MOB3B: variants seen among roughly 807,000 people sequenced by gnomAD.
The protein encoded by MOB3B is MOB kinase activator-like 2B.
Under a neutral mutation model 18.7 loss-of-function variants are expected in MOB3B, and 7 were observed. The ratio of observed to expected loss-of-function variants is 0.37; its 90% CI spans 0.21 to 0.70. The LOEUF is 0.70. Ranked by LOEUF, MOB3B falls within the 30% of genes least tolerant of loss-of-function variation. The pLI, the probability that MOB3B is intolerant of heterozygous loss-of-function variation, is 0.52. For missense variants in MOB3B, 253 were observed against 281.3 expected (o/e 0.90, Z 0.72); for synonymous variants, 111 against 99.9 (o/e 1.11, Z -0.66).
chr9:27,475,240 T>C lies in MOB3B; in HGVS notation c.-198-19492A>G, dbSNP rs892197890. On this transcript the variant is annotated intron_variant, in intron 1 of 3. Transcript: ENST00000262244. ...GGATCTGAATCCTGCCAATGACCAC[T>C]GAGTAAGCTCCGAGGCGGCTCCTTC... is the stretch of plus-strand genomic sequence containing the variant. 3.3e-5 allele frequency among the ~76,000 whole-genome samples: 5 copies of C among 152,246 alleles called. No homozygotes were observed. In the East Asian group the frequency reaches 7.7e-4, roughly 23 times the overall value.
intron 2 of MOB3B, 113 bp from the exon 3 acceptor site, chr9:27,359,349 T>A: frequency 3.6e-6 from 2 of 558,504 alleles, no homozygotes; most frequent in South Asian, 1.7e-5. Context: ...CTGGCACCCG[T>A]CACAGGAGTC....
chr9:27,441,384 C>T (rs553772594), intron 2 of MOB3B, among the ~76,000 whole-genome samples: 2 of 152,214 alleles, frequency 1.3e-5, no homozygotes, highest in African/African-American at 4.8e-5. Flanking sequence ...TATGGCTTCT[C>T]TTTGGCATAT....
chr9:27,524,921 T>A (rs1820407665), intron 1 of MOB3B: 1 of 1,607,022 alleles, frequency 6.2e-7, no homozygotes, highest in Non-Finnish European at 8.5e-7. Context: ...GATGTTTGTA[T>A]TACTTTTACA....
chr9:27,505,956 A>T (rs1820052358), intron 1 of MOB3B, among the ~76,000 whole-genome samples: 1 of 152,244 alleles, frequency 6.6e-6, no homozygotes, highest in South Asian at 2.1e-4. Flanking sequence ...AATTACACGC[A>T]TGGGCTTTTA....
chr9:27,473,344 G>A lies in MOB3B; in HGVS notation c.-198-17596C>T, dbSNP rs553799780. On this transcript the variant is annotated intron_variant, in intron 1 of 3. Coordinates refer to ENST00000262244, the MANE Select transcript of MOB3B (RefSeq NM_024761.5). ...GGAGGCAAAGGGGGAGGGTGGGGTC[G>A]TGCTGGGACACAGAGGAGTCACTCC... is the stretch of plus-strand genomic sequence containing the variant. Among the ~76,000 whole-genome samples, 417 of 152,266 alleles carry A rather than the reference G, an allele frequency of 2.7e-3. 1 individual carries two copies. The highest frequency in any genetic ancestry group is 8.2e-3 in the African/African-American group (341 of 41,562).
At chr9:27,338,824 GC>G (rs1285568430) in intron 3 of MOB3B, among the ~76,000 whole-genome samples, 1 of 152,170 alleles carries the variant, frequency 6.6e-6, no homozygotes, top group African/African-American at 2.4e-5. Flanking sequence ...AATAACACTG[GC>G]CTTTTCCCAA....
At chr9:27,450,949 C>T (rs1473648646) in intron 2 of MOB3B, among the ~76,000 whole-genome samples, 2 of 152,148 alleles carry the variant, frequency 1.3e-5, no homozygotes, top group Non-Finnish European at 2.9e-5. Context: ...CCCTCCCTTG[C>T]TTTCTTTGTT....
At chr9:27,475,382 G>A (rs899825341) in intron 1 of MOB3B, among the ~76,000 whole-genome samples, 6 of 152,250 alleles carry the variant, frequency 3.9e-5, no homozygotes, top group African/African-American at 1.4e-4. Flanking sequence ...AATAAACGTT[G>A]TTGTTTTTAA....
At chr9:27,367,645 G>A (rs1415707371) in intron 2 of MOB3B, among the ~76,000 whole-genome samples, 1 of 152,226 alleles carries the variant, frequency 6.6e-6, no homozygotes, top group Non-Finnish European at 1.5e-5. Context: ...CAGGCACACA[G>A]AAGGCATCTG....
rs142512173 is a variant in MOB3B, at chr9:27,515,127, G to A, written c.-199+14428C>T. On this transcript the variant is annotated intron_variant, in intron 1 of 3. Transcript: ENST00000262244. ...GAGATTTGCAACCCTCTACACTATC[G>A]ACATTGGACATTATGGCATGCATTC... Among the ~76,000 whole-genome samples the A allele has an allele frequency of 4.1e-3, 621 of 152,182 alleles. 5 individuals are homozygous for A. Among genetic ancestry groups the A allele is most frequent in the African/African-American group, 0.014 (592 of 41,526 alleles).
intron 2 of MOB3B, among the ~76,000 whole-genome samples, chr9:27,393,420 G>A (rs1035058891): frequency 1.6e-4 from 24 of 151,884 alleles, no homozygotes; most frequent in African/African-American, 5.8e-4. Flanking sequence ...GTAGAGAGAG[G>A]AGGAAGTGGA....
intron 1 of MOB3B, among the ~76,000 whole-genome samples, chr9:27,515,903 G>T (rs1423137738): frequency 6.6e-6 from 1 of 152,172 alleles, no homozygotes; most frequent in Non-Finnish European, 1.5e-5. Context: ...GGAAACAAAA[G>T]ACTTTGCAAA....
chr9:27,459,063 G>A (rs1222907909), intron 1 of MOB3B, among the ~76,000 whole-genome samples: 12 of 151,800 alleles, frequency 7.9e-5, no homozygotes, highest in African/African-American at 2.7e-4. Context: ...AATAACAGAT[G>A]TATCATGCCA....
At chr9:27,441,974 G>A (rs762683618) in intron 2 of MOB3B, among the ~76,000 whole-genome samples, 3 of 152,044 alleles carry the variant, frequency 2.0e-5, no homozygotes, top group African/African-American at 2.4e-5. Flanking sequence ...ATGCAGAAGC[G>A]GATATGAGTC....
chr9:27,430,925 TG>T (rs1310926316), intron 2 of MOB3B, among the ~76,000 whole-genome samples: 3 of 133,894 alleles, frequency 2.2e-5, no homozygotes, highest in Admixed American at 7.3e-5. Flanking sequence ...CCTGCCTGCT[TG>T]GGAAAAAAAA....
chr9:27,420,061 A>C (rs755489522), intron 2 of MOB3B, among the ~76,000 whole-genome samples: 4 of 152,314 alleles, frequency 2.6e-5, no homozygotes, highest in Middle Eastern at 6.8e-3. Context: ...AAAATGTTCA[A>C]CATCACTAAT....
chr9:27,506,832 A>ATTTT (rs71492749), intron 1 of MOB3B, among the ~76,000 whole-genome samples: 31 of 120,480 alleles, frequency 2.6e-4, no homozygotes, highest in African/African-American at 7.4e-4. Context: ...ACCCCGGCTA[A>ATTTT]TTTTTTTTTT....
At chr9:27,507,264 T>G (rs1435178005) in intron 1 of MOB3B, among the ~76,000 whole-genome samples, 3 of 152,314 alleles carry the variant, frequency 2.0e-5, no homozygotes, top group Middle Eastern at 3.4e-3. Context: ...ACAAGTATCT[T>G]CTATTCATAC....
At chr9:27,455,049 C>T in intron 2 of MOB3B, 84 bp downstream of exon 2, 2 of 1,405,932 alleles carry the variant, frequency 1.4e-6, no homozygotes, top group Non-Finnish European at 2.0e-6. Context: ...ATGGGTGCTA[C>T]CTAGCATTCA....
Sources: gnomAD v4.1 joint callset for allele counts (sites outside exome capture counted in the v4.1 genomes callset) on GRCh38, gnomAD v4.1.1 for gene constraint, MANE v1.5 for transcripts, NCBI Gene and HGNC (gene_info 2026-07-23, HGNC 2026-07-21) for gene names.